PASK: variants seen among roughly 807,000 people sequenced by gnomAD.
PASK encodes PAS domain-containing serine/threonine-protein kinase.
Under a neutral mutation model 121.0 loss-of-function variants are expected in PASK, and 110 were observed. That is an observed-to-expected ratio of 0.91 (90% CI 0.78 to 1.06). The LOEUF (loss-of-function observed/expected upper bound fraction) is 1.06, where lower values mean the gene tolerates loss of function less well. Among genes scored for constraint, PASK ranks in the 50% least tolerant of loss-of-function variants. PASK has a pLI of 0.00. For synonymous variants in PASK, 686 were observed against 717.8 expected, an observed-to-expected ratio of 0.96 and a Z score of 0.71; for missense variants, 1,643 against 1,702.3, an observed-to-expected ratio of 0.97 and a Z score of 0.61.
At chr2:241,138,911 T>A in intron 4 of PASK, 117 bp from the exon 5 acceptor site, 2 of 937,980 alleles carry the variant, frequency 2.1e-6, no homozygotes, top group Non-Finnish European at 3.4e-6. Flanking sequence ...CAACTTCTGC[T>A]TACCTGATTT....
chr2:241,122,786 G>GT lies in PASK; in HGVS notation c.3017_3018insA (p.Ser1007GlnfsTer25). 6.2e-7 allele frequency: 1 copy of GT among 1,614,154 alleles called. No individual in the cohort carries two copies. The highest frequency in any genetic ancestry group is 8.5e-7 in the Non-Finnish European group (1 of 1,180,012). Reference sequence around the variant, plus strand: ...TCCACACGAAGCCGAAGGCCCCACTGCCCAGCGGGCTCATGGTACTGTACT... The same window carrying GT: ...TCCACACGAAGCCGAAGGCCCCACTGTCCCAGCGGGCTCATGGTACTGTACT... On this transcript the variant is annotated frameshift_variant, in exon 12 of 18. Coordinates refer to ENST00000234040, the MANE Select transcript of PASK (RefSeq NM_015148.4). LOFTEE classifies it high-confidence loss of function.
At chr2:241,133,164 TC>T (rs1297088726) in intron 8 of PASK, 134 bp from the exon 9 acceptor site, 46 of 867,674 alleles carry the variant, frequency 5.3e-5, no homozygotes, top group Non-Finnish European at 8.2e-5. Flanking sequence ...ACCCCAGGCG[TC>T]CCAGGTCCAA....
chr2:241,141,988 A>C (rs2066721545), intron 2 of PASK, among the ~76,000 whole-genome samples: 1 of 152,184 alleles, frequency 6.6e-6, no homozygotes, highest in Admixed American at 6.5e-5. Context: ...GCTCCAAAAA[A>C]GGAACACACC....
In PASK at chr2:241,107,228, T is replaced by C; in HGVS notation, c.3814+125A>G. On this transcript the variant is annotated intron_variant, in intron 17 of 17. Coordinates refer to ENST00000234040, the MANE Select transcript of PASK (RefSeq NM_015148.4). ...GACAGGTCAGCTATAGGCCCTGACA[T>C]TTGTGTCCAAGACAGCATGGGGGAG... is the stretch of plus-strand genomic sequence containing the variant. 3 of 884,764 alleles carry C rather than the reference T, an allele frequency of 3.4e-6. 1 individual carries two copies. The Middle Eastern group carries it at 8.4e-4, about 249-fold the overall frequency. The allele number at this position is 884,764 out of a possible 1,614,324, so 54.8% of individuals were successfully genotyped here.
intron 10 of PASK, 87 bp downstream of exon 10, chr2:241,126,099 GAAACCCCATC>G: frequency 3.8e-6 from 4 of 1,045,956 alleles, no homozygotes; most frequent in Non-Finnish European, 5.9e-6. Flanking sequence ...ATTCCAGGGT[GAAACCCCATC>G]AGACCCCAGA....
intron 1 of PASK, 74 bp from the exon 2 acceptor site, chr2:241,143,148 A>C: frequency 1.3e-6 from 1 of 799,472 alleles, no homozygotes; most frequent in Non-Finnish European, 2.1e-6. Flanking sequence ...CTAATTTATA[A>C]TGCTGAGTTC....
chr2:241,124,962 C>T (rs1184187780), intron 10 of PASK, among the ~76,000 whole-genome samples: 3 of 151,744 alleles, frequency 2.0e-5, no homozygotes, highest in East Asian at 1.9e-4. Flanking sequence ...GTCAGGAGAT[C>T]GAGACCATCC....
chr2:241,123,354 T>C (rs569552672), intron 11 of PASK, among the ~76,000 whole-genome samples: 75 of 152,028 alleles, frequency 4.9e-4, no homozygotes, highest in Non-Finnish European at 8.1e-4. Context: ...TTTTTGTATT[T>C]TTTTTAGTAG....
chr2:241,111,228 A>G (rs2065099209), intron 15 of PASK, among the ~76,000 whole-genome samples: 1 of 152,332 alleles, frequency 6.6e-6, no homozygotes, highest in East Asian at 1.9e-4. Context: ...CAGGTGCAGC[A>G]GGTCTGTGAG....
chr2:241,117,432 GC>G (rs2065422425), intron 12 of PASK, among the ~76,000 whole-genome samples: 1 of 152,238 alleles, frequency 6.6e-6, no homozygotes, highest in African/African-American at 2.4e-5. Flanking sequence ...GAAGAGGCCT[GC>G]GGCCTGTCCA....
In PASK at chr2:241,149,435, C is replaced by T. The variant is rs1305715204; in HGVS notation, c.-64G>A. ...TCACCTGGATCAGGCGAGGGTCACG[C>T]CAAGCCGGCTACACACCACGGAAAG... On this transcript the variant is annotated 5_prime_UTR_variant, in exon 1 of 18. Coordinates refer to ENST00000234040, the MANE Select transcript of PASK (RefSeq NM_015148.4). The T allele has an allele frequency of 1.8e-6, 1 of 557,598 alleles. No individual in the cohort carries two copies. The allele number at this position is 557,598 out of a possible 1,614,324, so 34.5% of individuals were successfully genotyped here. A position where few individuals can be genotyped will look rare whatever the true frequency, so the allele number is the denominator to read the frequency against.
chr2:241,116,344 G>A (rs547631205), intron 12 of PASK, among the ~76,000 whole-genome samples: 13 of 152,340 alleles, frequency 8.5e-5, no homozygotes, highest in African/African-American at 2.2e-4. Flanking sequence ...GAAATGCAGC[G>A]TCATTACTGC....
At chr2:241,140,094 C>T (rs892551048) in intron 3 of PASK, 39 bp from the exon 4 acceptor site, 2 of 1,549,648 alleles carry the variant, frequency 1.3e-6, no homozygotes, top group Non-Finnish European at 8.9e-7. Flanking sequence ...GCAGACATCC[C>T]CAGCAGCTCC....
At chr2:241,116,642 T>C (rs2125411136) in intron 12 of PASK, among the ~76,000 whole-genome samples, 1 of 152,278 alleles carries the variant, frequency 6.6e-6, no homozygotes, top group East Asian at 1.9e-4. Flanking sequence ...ATAAGGTAAA[T>C]ATAAGAAAAA....
At position 241,135,869 on chromosome 2, in the gene PASK, A is replaced by C. The variant is rs767950720; in HGVS notation, c.1306+2T>G. Reference sequence around the variant, plus strand: ...GCATTCAGGAGGAAGAGGACGTCTTACCCTGGCCCCCCTCAGCTGGGTCCT... The same window carrying C: ...GCATTCAGGAGGAAGAGGACGTCTTCCCCTGGCCCCCCTCAGCTGGGTCCT... On this transcript the variant is annotated splice_donor_variant, in intron 8 of 17. Coordinates refer to ENST00000234040, the MANE Select transcript of PASK (RefSeq NM_015148.4). LOFTEE classifies it high-confidence loss of function. 3.7e-6 allele frequency: 6 copies of C among 1,613,546 alleles called. No individual in the cohort carries two copies. In the Admixed American group the frequency reaches 1.0e-4, roughly 27 times the overall value.
chr2:241,149,846 G>A (rs561462514), upstream of PASK: 534 of 1,483,048 alleles, frequency 3.6e-4, 2 homozygotes, highest in African/African-American at 2.6e-3. Context: ...CGACTTGCAA[G>A]GGGAGCCCAG....
chr2:241,112,285 CAA>C lies in PASK; in HGVS notation c.3486_3487del (p.Phe1162LeufsTer37), dbSNP rs1167062167. The C allele has an allele frequency of 6.2e-7, 1 of 1,613,736 alleles. No individual in the cohort carries two copies. The highest frequency in any genetic ancestry group is 2.2e-5 in the East Asian group (1 of 44,866). ...CGGTGCACAGTACTCGATGGTCCCACAAAAAGTATAAAATAATTTTCCCCTTT... is the reference window on the plus strand; with the variant it reads ...CGGTGCACAGTACTCGATGGTCCCACAAAGTATAAAATAATTTTCCCCTTT... On this transcript the variant is annotated frameshift_variant, in exon 15 of 18. Transcript: ENST00000234040. LOFTEE classifies it high-confidence loss of function. This position sits in a 1 kb window ranked among gnomAD's most constrained non-coding sequence, Gnocchi z 5.2.
chr2:241,125,036 C>G lies in PASK; in HGVS notation c.2720-903G>C, dbSNP rs947785361. The stretch of plus-strand genomic sequence containing the variant: ...AAAAAATTAGCCTGGCTCAGTGGCT[C>G]ACGCCTGTAATCCCAGCACTTTGGG... On this transcript the variant is annotated intron_variant, in intron 10 of 17. Coordinates refer to ENST00000234040, the MANE Select transcript of PASK (RefSeq NM_015148.4). Among the ~76,000 whole-genome samples, 9 of 152,078 alleles carry G rather than the reference C, an allele frequency of 5.9e-5. No individual in the cohort carries two copies. In the East Asian group the frequency reaches 1.8e-3, roughly 30 times the overall value.
At chr2:241,110,646 TC>T (rs1049604251) in intron 15 of PASK, among the ~76,000 whole-genome samples, 2 of 151,782 alleles carry the variant, frequency 1.3e-5, no homozygotes, top group African/African-American at 4.8e-5. Flanking sequence ...CCAGGTTGGA[TC>T]CCCCCTGCAC....
Sources: gnomAD v4.1 joint callset for allele counts (sites outside exome capture counted in the v4.1 genomes callset) on GRCh38, gnomAD v4.1.1 for gene constraint, Gnocchi (gnomAD v3.1) non-coding constraint, MANE v1.5 for transcripts, NCBI Gene and HGNC (gene_info 2026-07-23, HGNC 2026-07-21) for gene names.